The following SPAG16 variants were observed in gnomAD, a reference collection of about 807,000 sequenced individuals.
The protein encoded by SPAG16 is sperm associated antigen 16, also known as sperm-associated antigen 16 protein.
Under a neutral mutation model 80.4 loss-of-function variants are expected in SPAG16, and 86 were observed. The ratio of observed to expected loss-of-function variants is 1.07; its 90% CI spans 0.90 to 1.28. The LOEUF is 1.28. Ranked by LOEUF, SPAG16 falls within the 50% of genes most tolerant of loss-of-function variation. The pLI, the probability that SPAG16 is intolerant of heterozygous loss-of-function variation, is 0.00. For missense variants in SPAG16, 870 were observed against 765.3 expected, an observed-to-expected ratio of 1.14 and a Z score of -1.61; for synonymous variants, 294 against 265.9, an observed-to-expected ratio of 1.11 and a Z score of -1.03.
chr2:213,857,763 A>G (rs1240417054), intron 10 of SPAG16, among the ~76,000 whole-genome samples: 1 of 152,232 alleles, frequency 6.6e-6, no homozygotes, highest in Non-Finnish European at 1.5e-5. Context: ...TAGCTGCCAT[A>G]GACAGTGATT....
chr2:213,993,516 A>G (rs2046377215), intron 12 of SPAG16, among the ~76,000 whole-genome samples: 1 of 152,180 alleles, frequency 6.6e-6, no homozygotes, highest in Non-Finnish European at 1.5e-5. Flanking sequence ...TTGTTCTGGA[A>G]ATTATACCTA....
intron 14 of SPAG16, among the ~76,000 whole-genome samples, chr2:214,141,736 T>TA (rs1330247332): frequency 6.6e-6 from 1 of 152,182 alleles, no homozygotes; most frequent in Non-Finnish European, 1.5e-5. Context: ...AATATCTACT[T>TA]AAAAAATTAA....
intron 9 of SPAG16, among the ~76,000 whole-genome samples, chr2:213,414,846 A>G (rs940049359): frequency 1.3e-5 from 2 of 152,260 alleles, no homozygotes; most frequent in African/African-American, 2.4e-5. Flanking sequence ...ATATATGTAT[A>G]TAAGTAACTG....
rs114431363 is a variant in SPAG16, at chr2:214,299,542, C to T, written c.1721-110598C>T. Among the ~76,000 whole-genome samples, 959 of 152,100 alleles carry T rather than the reference C, an allele frequency of 6.3e-3. 6 individuals carry two copies. The highest frequency in any genetic ancestry group is 0.022 in the African/African-American group (899 of 41,522). ...GATTACAGGCATGAGCCACCGTGCC[C>T]AGCCTATACTTCTGTGTACCACAAT... On this transcript the variant is annotated intron_variant, in intron 15 of 15. Coordinates refer to ENST00000331683, the MANE Select transcript of SPAG16 (RefSeq NM_024532.5).
chr2:213,337,543 C>T (rs2064432702), intron 5 of SPAG16, among the ~76,000 whole-genome samples: 1 of 152,122 alleles, frequency 6.6e-6, no homozygotes, highest in Non-Finnish European at 1.5e-5. Context: ...CCTGATCAAG[C>T]TGAGAAACAC....
intron 10 of SPAG16, among the ~76,000 whole-genome samples, chr2:213,543,667 T>C (rs1459738473): frequency 6.6e-6 from 1 of 152,042 alleles, no homozygotes; most frequent in East Asian, 1.9e-4. Context: ...CACTTTGTTC[T>C]TGACCAAACA....
At chr2:213,916,529 T>C (rs967500852) in intron 11 of SPAG16, among the ~76,000 whole-genome samples, 1 of 152,130 alleles carries the variant, frequency 6.6e-6, no homozygotes, top group South Asian at 2.1e-4. Flanking sequence ...TTGTAGTATA[T>C]TTTGAAGTCA....
At chr2:213,931,558 A>G (rs1413274893) in intron 12 of SPAG16, among the ~76,000 whole-genome samples, 1 of 152,142 alleles carries the variant, frequency 6.6e-6, no homozygotes. Flanking sequence ...GAAAACAGTG[A>G]TCTTTTCTAA....
intron 9 of SPAG16, among the ~76,000 whole-genome samples, chr2:213,391,906 G>A (rs763700407): frequency 1.2e-4 from 19 of 152,084 alleles, no homozygotes; most frequent in Non-Finnish European, 2.1e-4. Context: ...AGAGAATTAC[G>A]GTGGCTAATT....
At chr2:213,705,240 T>C (rs376587001) in intron 10 of SPAG16, among the ~76,000 whole-genome samples, 29 of 151,162 alleles carry the variant, frequency 1.9e-4, no homozygotes, top group African/African-American at 6.8e-4. Context: ...AGAGCAAGAC[T>C]CTGTCTCAAA....
chr2:213,618,821 G>C (rs2061681285), intron 10 of SPAG16, among the ~76,000 whole-genome samples: 1 of 151,716 alleles, frequency 6.6e-6, no homozygotes, highest in Admixed American at 6.6e-5. Flanking sequence ...CTTTGTCTTA[G>C]TCATTTCCTT....
intron 15 of SPAG16, among the ~76,000 whole-genome samples, chr2:214,398,593 T>A (rs1182449153): frequency 6.6e-6 from 1 of 152,212 alleles, no homozygotes; most frequent in Non-Finnish European, 1.5e-5. Flanking sequence ...AGAGGCTGAA[T>A]AAAGAACAAA....
At chr2:213,659,806 CT>C (rs1332734412) in intron 10 of SPAG16, among the ~76,000 whole-genome samples, 1 of 151,774 alleles carries the variant, frequency 6.6e-6, no homozygotes, top group African/African-American at 2.4e-5. Context: ...ATATTTAATC[CT>C]ATGAAAGAGC....
intron 10 of SPAG16, among the ~76,000 whole-genome samples, chr2:213,737,601 C>A (rs1233229473): frequency 6.6e-6 from 1 of 151,712 alleles, no homozygotes; most frequent in Non-Finnish European, 1.5e-5. Context: ...CATTCTCCTG[C>A]CTCAGCCTCC....
chr2:214,235,834 A>G (rs1689036919), intron 15 of SPAG16, among the ~76,000 whole-genome samples: 1 of 152,212 alleles, frequency 6.6e-6, no homozygotes, highest in Non-Finnish European at 1.5e-5. Context: ...TTTATGTATT[A>G]TAGCTATGAC....
At chr2:214,381,026 AC>A in intron 15 of SPAG16, among the ~76,000 whole-genome samples, 1 of 152,080 alleles carries the variant, frequency 6.6e-6, no homozygotes, top group East Asian at 1.9e-4. Context: ...ATGTATTAAA[AC>A]CCTTTTTCCT....
At chr2:213,381,714 C>T (rs2067181039) in intron 9 of SPAG16, among the ~76,000 whole-genome samples, 1 of 152,158 alleles carries the variant, frequency 6.6e-6, no homozygotes, top group South Asian at 2.1e-4. Flanking sequence ...ACCAATATTT[C>T]CACACTTTTG....
At chr2:213,661,146 A>G (rs571688587) in intron 10 of SPAG16, among the ~76,000 whole-genome samples, 2 of 152,338 alleles carry the variant, frequency 1.3e-5, no homozygotes, top group South Asian at 4.1e-4. Flanking sequence ...GTAATATTAC[A>G]TACCACCACT....
intron 10 of SPAG16, among the ~76,000 whole-genome samples, chr2:213,509,927 A>G (rs968035669): frequency 6.6e-6 from 1 of 152,202 alleles, no homozygotes; most frequent in African/African-American, 2.4e-5. Context: ...TAGCAAGACT[A>G]ATAAAGAAGA....
Sources: allele counts gnomAD v4.1 joint callset (sites outside exome capture counted in the v4.1 genomes callset), GRCh38; gene constraint gnomAD v4.1.1; transcripts MANE v1.5; gene names NCBI Gene and HGNC (gene_info 2026-07-23, HGNC 2026-07-21).